Variants in PDZRN3 observed in about 807,000 individuals in gnomAD.
The protein encoded by PDZRN3 is E3 ubiquitin-protein ligase PDZRN3.
PDZRN3 carries 38 observed loss-of-function variants against 85.7 expected under a neutral mutation model. The observed-to-expected ratio is 0.44, with a 90% confidence interval of 0.34 to 0.58. The LOEUF (loss-of-function observed/expected upper bound fraction) is 0.58, where lower values mean the gene tolerates loss of function less well. Ranked by LOEUF, PDZRN3 falls within the 20% of genes least tolerant of loss-of-function variation. The pLI, the probability that PDZRN3 is intolerant of heterozygous loss-of-function variation, is 0.01. For missense variants in PDZRN3, 1,629 were observed against 1,506.4 expected (o/e 1.08, Z -1.35); for synonymous variants, 759 against 638.0 (o/e 1.19, Z -2.86).
intron 3 of PDZRN3, among the ~76,000 whole-genome samples, chr3:73,451,163 T>C (rs1480728797): frequency 2.0e-5 from 3 of 152,162 alleles, no homozygotes; most frequent in Non-Finnish European, 4.4e-5. Flanking sequence ...TGCAAATACT[T>C]CTTCCGGGTG....
chr3:73,488,799 G>C (rs548558438), intron 3 of PDZRN3, among the ~76,000 whole-genome samples: 1 of 152,340 alleles, frequency 6.6e-6, no homozygotes, highest in African/African-American at 2.4e-5. Context: ...TTTGTGTTTT[G>C]TAAGTGAAAT....
At position 73,600,304 on chromosome 3, in the gene PDZRN3, AACAC is replaced by A. The variant is rs35396413; in HGVS notation, c.918+2046_918+2049del. On this transcript the variant is annotated intron_variant, in intron 3 of 9. Transcript: ENST00000263666. ...AGACTTTGACTCTTCTTAGTAATGA[AACAC>A]ACACACACACACACACACACACACA... is the stretch of plus-strand genomic sequence containing the variant. Among the ~76,000 whole-genome samples, 10 of 124,490 alleles carry A rather than the reference AACAC, an allele frequency of 8.0e-5. No homozygotes were observed. In the East Asian group the frequency reaches 9.4e-4, roughly 12 times the overall value. The allele number at this position is 124,490 out of a possible 152,430, so 81.7% of individuals were successfully genotyped here. A position where few individuals can be genotyped will look rare whatever the true frequency, so the allele number is the denominator to read the frequency against.
intron 3 of PDZRN3, among the ~76,000 whole-genome samples, chr3:73,600,867 CA>C (rs1276027473): frequency 2.0e-4 from 30 of 152,308 alleles, no homozygotes; most frequent in African/African-American, 7.0e-4. Flanking sequence ...CTTGCCCAAG[CA>C]AATTCCTGTT....
intron 3 of PDZRN3, among the ~76,000 whole-genome samples, chr3:73,563,004 TATA>T (rs1293734765): frequency 7.7e-5 from 3 of 38,756 alleles, no homozygotes; most frequent in African/African-American, 3.3e-4. Flanking sequence ...TATATATATA[TATA>T]TATATATTTT....
intron 3 of PDZRN3, among the ~76,000 whole-genome samples, chr3:73,522,980 C>T (rs2106733888): frequency 6.6e-6 from 1 of 152,232 alleles, no homozygotes; most frequent in Middle Eastern, 3.4e-3. Flanking sequence ...TGAAATATGA[C>T]AAGAAAAACA....
intron 1 of PDZRN3, among the ~76,000 whole-genome samples, chr3:73,619,268 T>C (rs776883269): frequency 1.2e-4 from 18 of 152,208 alleles, no homozygotes; most frequent in Non-Finnish European, 2.2e-4. Context: ...ACCAAATGAA[T>C]ACATATCAAG....
chr3:73,385,633 A>C, intron 9 of PDZRN3, 36 bp downstream of exon 9: 1 of 1,255,546 alleles, frequency 8.0e-7, no homozygotes, highest in African/African-American at 1.5e-5. Context: ...CCAGCTCAGC[A>C]GGGCAGAGTG....
At position 73,409,565 on chromosome 3, in the gene PDZRN3, G is replaced by A. The variant is rs58894821; in HGVS notation, c.919-5170C>T. 2.8e-3 allele frequency among the ~76,000 whole-genome samples: 428 copies of A among 152,196 alleles called. 4 individuals carry two copies. Among genetic ancestry groups the A allele is most frequent in the African/African-American group, 9.9e-3 (411 of 41,508 alleles). On this transcript the variant is annotated intron_variant, in intron 3 of 9. Transcript: ENST00000263666. ...AGGAAAAATGAAGCTACAACACATGGGAATCACTTAAGAAATGGAAAGATG... is the reference window on the plus strand; with the variant it reads ...AGGAAAAATGAAGCTACAACACATGAGAATCACTTAAGAAATGGAAAGATG...
chr3:73,575,833 A>T (rs1473136849), intron 3 of PDZRN3, among the ~76,000 whole-genome samples: 7 of 152,140 alleles, frequency 4.6e-5, no homozygotes. Context: ...TTTTCCTATG[A>T]TTCTTTATGG....
chr3:73,597,482 A>C (rs1200726930), intron 3 of PDZRN3, among the ~76,000 whole-genome samples: 3 of 152,178 alleles, frequency 2.0e-5, no homozygotes, highest in African/African-American at 7.2e-5. Context: ...AGAGGGCTTA[A>C]GTCTCCCACT....
At chr3:73,442,844 G>A (rs140426393) in intron 3 of PDZRN3, among the ~76,000 whole-genome samples, 28 of 152,174 alleles carry the variant, frequency 1.8e-4, no homozygotes, top group African/African-American at 6.7e-4. Flanking sequence ...CTCCTCCCAG[G>A]CCTCTTCACT....
intron 5 of PDZRN3, among the ~76,000 whole-genome samples, chr3:73,397,359 CCTTA>C (rs1354446369): frequency 2.0e-5 from 3 of 152,108 alleles, no homozygotes; most frequent in Non-Finnish European, 2.9e-5. Flanking sequence ...GAGATTGGCC[CCTTA>C]CTTAAATAAC....
At chr3:73,558,161 G>A (rs900748591) in intron 3 of PDZRN3, among the ~76,000 whole-genome samples, 2 of 150,300 alleles carry the variant, frequency 1.3e-5, no homozygotes, top group African/African-American at 4.9e-5. Context: ...TTATGTTTAT[G>A]TAATGCAAAT....
At chr3:73,573,808 CACCTAT>C (rs1222734813) in intron 3 of PDZRN3, among the ~76,000 whole-genome samples, 3 of 78,800 alleles carry the variant, frequency 3.8e-5, no homozygotes, top group Non-Finnish European at 8.3e-5. Context: ...CATACACATA[CACCTAT>C]ACATATACAT....
At chr3:73,616,112 C>T (rs1242211135) in intron 1 of PDZRN3, among the ~76,000 whole-genome samples, 1 of 152,168 alleles carries the variant, frequency 6.6e-6, no homozygotes, top group Non-Finnish European at 1.5e-5. Context: ...CTCTCCATTG[C>T]CTCCTTTCTC....
chr3:73,485,418 C>T (rs1308590470), intron 3 of PDZRN3, among the ~76,000 whole-genome samples: 1 of 151,850 alleles, frequency 6.6e-6, no homozygotes, highest in African/African-American at 2.4e-5. Context: ...AAGACCCTTA[C>T]AGATTCAAAC....
At chr3:73,442,463 A>C (rs113717145) in intron 3 of PDZRN3, among the ~76,000 whole-genome samples, 2 of 152,274 alleles carry the variant, frequency 1.3e-5, no homozygotes, top group South Asian at 2.1e-4. Flanking sequence ...GGGCACGTGA[A>C]CGTGACACCA....
chr3:73,466,261 A>G (rs192703125), intron 3 of PDZRN3, among the ~76,000 whole-genome samples: 4 of 152,158 alleles, frequency 2.6e-5, no homozygotes, highest in East Asian at 1.9e-4. Context: ...ATGACCAACG[A>G]AAGTTCCTTA....
chr3:73,579,719 C>T (rs1296102259), intron 3 of PDZRN3, among the ~76,000 whole-genome samples: 3 of 152,154 alleles, frequency 2.0e-5, no homozygotes, highest in African/African-American at 7.2e-5. Context: ...AAGCCCGCCA[C>T]TGAGGATCTG....
Sources: allele counts gnomAD v4.1 joint callset (sites outside exome capture counted in the v4.1 genomes callset), GRCh38; gene constraint gnomAD v4.1.1; transcripts MANE v1.5; gene names NCBI Gene and HGNC (gene_info 2026-07-23, HGNC 2026-07-21).